The following PHF2 variants were observed in gnomAD, a reference collection of about 807,000 sequenced individuals.
The protein encoded by PHF2 is lysine-specific demethylase PHF2.
A neutral mutation model predicts 120.5 loss-of-function variants in PHF2; 27 were observed. That is an observed-to-expected ratio of 0.22 (90% CI 0.17 to 0.31). The LOEUF is 0.31. Ranked by LOEUF, PHF2 falls within the 10% of genes least tolerant of loss-of-function variation. The pLI, the probability that PHF2 is intolerant of heterozygous loss-of-function variation, is 1.00. For missense variants in PHF2, 1,024 were observed against 1,434.8 expected, an observed-to-expected ratio of 0.71 and a Z score of 4.63; for synonymous variants, 568 against 592.5, an observed-to-expected ratio of 0.96 and a Z score of 0.60.
intron 1 of PHF2, among the ~76,000 whole-genome samples, chr9:93,619,660 C>G (rs1473594896): frequency 6.6e-6 from 1 of 152,192 alleles, no homozygotes; most frequent in East Asian, 1.9e-4. Context: ...TCCATACCTG[C>G]TGGTGGCACC....
At chr9:93,635,372 A>C in intron 2 of PHF2, among the ~76,000 whole-genome samples, 1 of 151,038 alleles carries the variant, frequency 6.6e-6, no homozygotes, top group Non-Finnish European at 1.5e-5. Flanking sequence ...TGCGCCCCCC[A>C]CCTTGCCTTT....
intron 3 of PHF2, among the ~76,000 whole-genome samples, chr9:93,643,248 CA>C (rs1272492818): frequency 4.6e-5 from 7 of 152,142 alleles, no homozygotes; most frequent in African/African-American, 1.7e-4. Flanking sequence ...AGATTAGTTC[CA>C]GATCCAGTTT....
Position 93,640,331 on chromosome 9 carries a change from T to C in PHF2, c.299+3806T>C, listed in dbSNP as rs181470999. 7.2e-5 allele frequency among the ~76,000 whole-genome samples: 11 copies of C among 152,298 alleles called. No homozygotes were observed. In the East Asian group the frequency reaches 1.7e-3, roughly 24 times the overall value. The stretch of plus-strand genomic sequence containing the variant: ...TTCTCAATATGCACATTAGGCTGTT[T>C]GTAGTTCTTCTTCTACATTTCTTGG... On this transcript the variant is annotated intron_variant, in intron 3 of 21. Transcript: ENST00000359246.
At chr9:93,621,987 G>A (rs554669659) in intron 1 of PHF2, among the ~76,000 whole-genome samples, 5 of 152,282 alleles carry the variant, frequency 3.3e-5, no homozygotes, top group African/African-American at 7.2e-5. Flanking sequence ...CATTGGGGAC[G>A]TGCCCAACCA....
At chr9:93,606,083 C>T (rs1011675501) in intron 1 of PHF2, among the ~76,000 whole-genome samples, 1 of 152,070 alleles carries the variant, frequency 6.6e-6, no homozygotes, top group Admixed American at 6.5e-5. Context: ...AAGCCAGCGT[C>T]CCACCCCAGC....
At chr9:93,619,843 G>A (rs1488202805) in intron 1 of PHF2, among the ~76,000 whole-genome samples, 1 of 152,064 alleles carries the variant, frequency 6.6e-6, no homozygotes, top group East Asian at 1.9e-4. Context: ...TTTTGTTGAT[G>A]TTCTGTTTAA....
rs372395126 is a variant in PHF2, at chr9:93,631,829, G to A, written c.184+1774G>A. ...GGGCTTGGGAGGATGCTGGGGTGGC[G>A]TTGCTTTTGTGTGGGAGGTACACGT... On this transcript the variant is annotated intron_variant, in intron 2 of 21. Transcript: ENST00000359246. 9.9e-5 allele frequency among the ~76,000 whole-genome samples: 15 copies of A among 152,190 alleles called. No homozygotes were observed. In the East Asian group the frequency reaches 1.7e-3, roughly 18 times the overall value.
intron 1 of PHF2, among the ~76,000 whole-genome samples, chr9:93,629,181 A>G (rs941243405): frequency 1.3e-5 from 2 of 152,154 alleles, no homozygotes; most frequent in African/African-American, 4.8e-5. Flanking sequence ...GATTACAGAC[A>G]TGAGCCACCG....
rs534109823 is a variant in PHF2, at chr9:93,633,321, C to T, written c.185-3090C>T. Among the ~76,000 whole-genome samples, 7 of 152,320 alleles carry T rather than the reference C, an allele frequency of 4.6e-5. No individual in the cohort carries two copies. The East Asian group carries it at 1.4e-3, about 29-fold the overall frequency. Reference sequence around the variant, plus strand: ...TTACCTGACTGACACAGATTTGGTACAGGGTGTCCCAAGGTACCTGGCCAG... The same window carrying T: ...TTACCTGACTGACACAGATTTGGTATAGGGTGTCCCAAGGTACCTGGCCAG... On this transcript the variant is annotated intron_variant, in intron 2 of 21. Coordinates refer to ENST00000359246, the MANE Select transcript of PHF2 (RefSeq NM_005392.4).
intron 1 of PHF2, among the ~76,000 whole-genome samples, chr9:93,629,671 G>A (rs1384324658): frequency 2.0e-5 from 3 of 152,204 alleles, no homozygotes; most frequent in Non-Finnish European, 4.4e-5. Context: ...GGGTGACGGG[G>A]CATTGGTGAC....
rs145348352 is a variant in PHF2, at chr9:93,605,876, G to A, written c.99-24094G>A. On this transcript the variant is annotated intron_variant, in intron 1 of 21. Coordinates refer to ENST00000359246, the MANE Select transcript of PHF2 (RefSeq NM_005392.4). ...ATAAAGCTGCTATAAACATCCATGTGCAAGTTTTTCTGTGTAGACATGTTT... is the reference window on the plus strand; with the variant it reads ...ATAAAGCTGCTATAAACATCCATGTACAAGTTTTTCTGTGTAGACATGTTT... Among the ~76,000 whole-genome samples, 448 of 152,292 alleles carry A rather than the reference G, an allele frequency of 2.9e-3. 3 individuals are homozygous for A. Among genetic ancestry groups the A allele is most frequent in the South Asian group, 3.7e-3 (18 of 4,822 alleles).
intron 2 of PHF2, among the ~76,000 whole-genome samples, chr9:93,635,793 G>A (rs899135153): frequency 3.9e-5 from 6 of 152,164 alleles, no homozygotes; most frequent in African/African-American, 1.2e-4. Context: ...TGTGTACCTC[G>A]TGCCCCAGGA....
Position 93,676,899 on chromosome 9 carries a change from TG to T in PHF2, c.3142del (p.Val1048SerfsTer39). The T allele has an allele frequency of 6.3e-7, 1 of 1,582,150 alleles. No homozygotes were observed. Among genetic ancestry groups the T allele is most frequent in the Non-Finnish European group, 8.6e-7 (1 of 1,163,912 alleles). ...GCCGCACCTCCCAGCCCATGGCCCCTGGGGTCTTTCTCACACAGAGGCGGCC... is the reference window on the plus strand; with the variant it reads ...GCCGCACCTCCCAGCCCATGGCCCCTGGGTCTTTCTCACACAGAGGCGGCC... ...AGRTSQPMAP[G>X]VFLTQRRPSA... On this transcript the variant is annotated frameshift_variant, in exon 21 of 22. Coordinates refer to ENST00000359246, the MANE Select transcript of PHF2 (RefSeq NM_005392.4). LOFTEE classifies it high-confidence loss of function.
At chr9:93,604,844 T>C (rs1360166644) in intron 1 of PHF2, among the ~76,000 whole-genome samples, 1 of 152,292 alleles carries the variant, frequency 6.6e-6, no homozygotes, top group Non-Finnish European at 1.5e-5. Context: ...GAGCCTTTTT[T>C]TTAGCATTTC....
chr9:93,602,750 T>C (rs1385599552), intron 1 of PHF2, among the ~76,000 whole-genome samples: 1 of 152,130 alleles, frequency 6.6e-6, no homozygotes, highest in Non-Finnish European at 1.5e-5. Flanking sequence ...CTGGACTCAC[T>C]CTTGGGGGCA....
chr9:93,596,782 A>G (rs932006102), intron 1 of PHF2, among the ~76,000 whole-genome samples: 1 of 150,154 alleles, frequency 6.7e-6, no homozygotes, highest in African/African-American at 2.5e-5. Context: ...TTGTTTTGAG[A>G]CAGTCTCACT....
chr9:93,670,413 C>T (rs1826760788), intron 17 of PHF2, among the ~76,000 whole-genome samples: 1 of 152,350 alleles, frequency 6.6e-6, no homozygotes, highest in Non-Finnish European at 1.5e-5. Context: ...GGGCACCTGT[C>T]CTGGCTACAT....
Position 93,656,478 on chromosome 9 carries a change from G to A in PHF2, c.1041-11G>A, listed in dbSNP as rs768444625. 4 of 1,593,648 alleles carry A rather than the reference G, an allele frequency of 2.5e-6. No homozygotes were observed. The highest frequency in any genetic ancestry group is 1.1e-5 in the South Asian group (1 of 90,682). On this transcript the variant is annotated splice_polypyrimidine_tract_variant and intron_variant, in intron 8 of 21. Coordinates refer to ENST00000359246, the MANE Select transcript of PHF2 (RefSeq NM_005392.4). The surrounding 1 kb of genome is among the most constrained non-coding windows in gnomAD (Gnocchi z 4.1). The stretch of plus-strand genomic sequence containing the variant: ...TCAGTGCACTGAGAACTGCTCTTTG[G>A]TGGCTTCTAGAGCATATGAAGTGGA...
chr9:93,650,292 AAC>A (rs568086008), intron 5 of PHF2, among the ~76,000 whole-genome samples: 9 of 152,088 alleles, frequency 5.9e-5, no homozygotes, highest in South Asian at 2.1e-4. Flanking sequence ...GACACACTCA[AAC>A]ACAACAATAG....
Sources: gnomAD v4.1 joint callset for allele counts (sites outside exome capture counted in the v4.1 genomes callset) on GRCh38, gnomAD v4.1.1 for gene constraint, Gnocchi (gnomAD v3.1) non-coding constraint, MANE v1.5 for transcripts, NCBI Gene and HGNC (gene_info 2026-07-23, HGNC 2026-07-21) for gene names.